Variants in GYPC observed in about 807,000 individuals in gnomAD.
GYPC encodes glycophorin-C.
In GYPC, 14 loss-of-function variants were observed where a neutral mutation model predicts 12.6. The observed-to-expected ratio is 1.11, with a 90% CI of 0.74 to 1.74. The LOEUF (loss-of-function observed/expected upper bound fraction) is 1.74. Among genes scored for constraint, GYPC ranks in the 40% most tolerant of loss-of-function variants. GYPC has a pLI of 0.00. For synonymous variants in GYPC, 78 were observed against 62.1 expected, an observed-to-expected ratio of 1.26 and a Z score of -1.20; for missense variants, 225 against 172.1, an observed-to-expected ratio of 1.31 and a Z score of -1.72.
At chr2:126,677,191 G>C (rs28387155) in intron 1 of GYPC, among the ~76,000 whole-genome samples, 14,200 of 152,140 alleles carry the variant, frequency 0.093, 702 homozygotes, top group East Asian at 0.14. Flanking sequence ...ATGTGCATGA[G>C]AGTGTGTGTG....
Position 126,656,323 on chromosome 2 carries a change from G to GCC in GYPC, c.49+12_49+13dup. 1 of 1,589,304 alleles carries GCC rather than the reference G, an allele frequency of 6.3e-7. No homozygotes were observed. Among genetic ancestry groups the GCC allele is most frequent in the Non-Finnish European group, 8.6e-7 (1 of 1,169,332 alleles). ...GGCCTCTCAGCCTCGGTGAGTACCC[G>GCC]CCGTGGGGAAGGGTCCTGGGGACCC... is the stretch of plus-strand genomic sequence containing the variant. On this transcript the variant is annotated intron_variant, in intron 1 of 3. Transcript: ENST00000259254.
chr2:126,661,499 C>A (rs1404814409), intron 1 of GYPC, among the ~76,000 whole-genome samples: 1 of 150,628 alleles, frequency 6.6e-6, no homozygotes, highest in African/African-American at 2.4e-5. Flanking sequence ...GTTGCCCAGG[C>A]TGGAGTGCAA....
intron 1 of GYPC, among the ~76,000 whole-genome samples, chr2:126,664,764 C>T (rs1316882421): frequency 1.3e-5 from 2 of 152,216 alleles, no homozygotes; most frequent in Admixed American, 1.3e-4. Context: ...TGAATCTGCC[C>T]CTTGCTCCCA....
At chr2:126,686,660 G>A in intron 1 of GYPC, 1 of 985,354 alleles carries the variant, frequency 1.0e-6, no homozygotes, top group Non-Finnish European at 1.2e-6. Flanking sequence ...GGTGTTGCAG[G>A]GGGCCGGGGG....
At chr2:126,694,415 G>A (rs1282583240) in intron 3 of GYPC, among the ~76,000 whole-genome samples, 1 of 152,162 alleles carries the variant, frequency 6.6e-6, no homozygotes, top group Non-Finnish European at 1.5e-5. Context: ...GGTCATGGCT[G>A]TGACTGCAAA....
At chr2:126,656,339 C>A in intron 1 of GYPC, 27 bp downstream of exon 1, 1 of 1,573,572 alleles carries the variant, frequency 6.4e-7, no homozygotes, top group Non-Finnish European at 8.6e-7. Flanking sequence ...GGGAAGGGTC[C>A]TGGGGACCCA....
At chr2:126,673,672 C>G (rs373010865) in intron 1 of GYPC, among the ~76,000 whole-genome samples, 5 of 152,182 alleles carry the variant, frequency 3.3e-5, no homozygotes, top group Non-Finnish European at 7.3e-5. Context: ...GCAGGCAGAC[C>G]GTGCCAACTC....
chr2:126,685,959 G>A (rs1188190112), intron 1 of GYPC: 32 of 985,082 alleles, frequency 3.2e-5, no homozygotes, highest in African/African-American at 8.7e-5. Flanking sequence ...CCCCTCCTTC[G>A]AGCCCTCACC....
At chr2:126,684,566 A>G (rs766448388) in intron 1 of GYPC, among the ~76,000 whole-genome samples, 3 of 152,154 alleles carry the variant, frequency 2.0e-5, no homozygotes, top group African/African-American at 4.8e-5. Context: ...TTTCCTGAGG[A>G]TACTGGAGAT....
intron 1 of GYPC, among the ~76,000 whole-genome samples, chr2:126,671,309 G>C (rs1682848010): frequency 6.6e-6 from 1 of 152,226 alleles, no homozygotes; most frequent in Admixed American, 6.5e-5. Flanking sequence ...CACTGGGCAG[G>C]TGCCGGAGGG....
chr2:126,690,263 C>G lies in GYPC; in HGVS notation c.58C>G (p.Pro20Ala). The change falls in exon 2 of 4, where the codon CCG (proline) becomes GCG (alanine). Residue 20 changes from proline (P) to alanine (A), a missense_variant. Coordinates refer to ENST00000259254, the MANE Select transcript of GYPC (RefSeq NM_002101.5). ...TAWPLSLEPD[P>A]GMASASTTMH... ...TTGTCCTCTGTTCACAGAGCCTGATCCGGGGATGGCCTCTGCCTCCACCAC... is the reference window on the plus strand; with the variant it reads ...TTGTCCTCTGTTCACAGAGCCTGATGCGGGGATGGCCTCTGCCTCCACCAC... The G allele has an allele frequency of 6.2e-7, 1 of 1,612,372 alleles. No individual in the cohort carries two copies. Among genetic ancestry groups the G allele is most frequent in the South Asian group, 1.1e-5 (1 of 91,046 alleles).
chr2:126,695,853 C>A, intron 3 of GYPC, 93 bp from the exon 4 acceptor site: 1 of 924,566 alleles, frequency 1.1e-6, no homozygotes, highest in Admixed American at 1.7e-5. Flanking sequence ...GGCATTGTAT[C>A]TGTCCTCACA....
intron 1 of GYPC, among the ~76,000 whole-genome samples, chr2:126,660,853 C>T (rs1682516924): frequency 6.6e-6 from 1 of 152,120 alleles, no homozygotes; most frequent in Non-Finnish European, 1.5e-5. Flanking sequence ...TGTTGGGCCC[C>T]AGGAATCCCA....
At chr2:126,666,647 A>G (rs1160385135) in intron 1 of GYPC, among the ~76,000 whole-genome samples, 1 of 151,490 alleles carries the variant, frequency 6.6e-6, no homozygotes, top group African/African-American at 2.4e-5. Context: ...CTGAAGAGTC[A>G]TTGCAAGTAA....
intron 2 of GYPC, among the ~76,000 whole-genome samples, chr2:126,692,835 A>G (rs998961536): frequency 6.6e-6 from 1 of 152,186 alleles, no homozygotes; most frequent in African/African-American, 2.4e-5. Context: ...GGCTTCTCCA[A>G]GAGAGAAAGT....
chr2:126,661,127 G>C (rs1482456801), intron 1 of GYPC, among the ~76,000 whole-genome samples: 1 of 152,192 alleles, frequency 6.6e-6, no homozygotes, highest in Admixed American at 6.5e-5. Context: ...GAGCCAGGCC[G>C]GCGACACTGG....
At chr2:126,662,274 G>T (rs750781658) in intron 1 of GYPC, among the ~76,000 whole-genome samples, 3 of 152,186 alleles carry the variant, frequency 2.0e-5, no homozygotes, top group Non-Finnish European at 2.9e-5. Flanking sequence ...TGTATTCACC[G>T]GGCAACAGGG....
At chr2:126,685,950 C>T in intron 1 of GYPC, 1 of 985,216 alleles carries the variant, frequency 1.0e-6, no homozygotes, top group Non-Finnish European at 1.2e-6. Context: ...CTCTCAACTC[C>T]CCTCCTTCGA....
At chr2:126,656,400 C>G (rs1205562124) in intron 1 of GYPC, 88 bp downstream of exon 1, 3 of 1,170,354 alleles carry the variant, frequency 2.6e-6, no homozygotes, top group Non-Finnish European at 3.7e-6. Context: ...GCCACGGACG[C>G]CCTGGTGTCC....
Sources: allele counts gnomAD v4.1 joint callset (sites outside exome capture counted in the v4.1 genomes callset), GRCh38; gene constraint gnomAD v4.1.1; transcripts MANE v1.5; gene names NCBI Gene and HGNC (gene_info 2026-07-23, HGNC 2026-07-21).